MGST1: variants seen among roughly 807,000 people sequenced by gnomAD.
MGST1 encodes glutathione S-transferase 12.
In MGST1, 5 loss-of-function variants were observed where a neutral mutation model predicts 8.9. That is an observed-to-expected ratio of 0.56 (90% CI 0.29 to 1.19). MGST1 has a LOEUF of 1.19. Among genes scored for constraint, MGST1 ranks in the 50% most tolerant of loss-of-function variants. The pLI is 0.08. For missense variants in MGST1, 182 were observed against 187.4 expected (o/e 0.97, Z 0.17); for synonymous variants, 54 against 67.8 (o/e 0.80, Z 1.00).
chr12:16,570,303 T>G (rs1216251177), intron 4 of MGST1, among the ~76,000 whole-genome samples: 1 of 152,172 alleles, frequency 6.6e-6, no homozygotes, highest in Non-Finnish European at 1.5e-5. Context: ...AGACTCATAA[T>G]TACCTTCTTT....
At chr12:16,533,332 A>C (rs1233457168) in intron 4 of MGST1, among the ~76,000 whole-genome samples, 1 of 152,108 alleles carries the variant, frequency 6.6e-6, no homozygotes, top group African/African-American at 2.4e-5. Context: ...GAGGCTGTAC[A>C]CCTTGATTTG....
chr12:16,471,712 C>T (rs966325078), intron 4 of MGST1, among the ~76,000 whole-genome samples: 1 of 152,110 alleles, frequency 6.6e-6, no homozygotes, highest in African/African-American at 2.4e-5. Flanking sequence ...ACTAAATTTA[C>T]TATTGATAGT....
chr12:16,391,071 T>G (rs545802372), intron 1 of MGST1, among the ~76,000 whole-genome samples: 2 of 152,260 alleles, frequency 1.3e-5, no homozygotes, highest in South Asian at 4.2e-4. Flanking sequence ...GATATTGAAC[T>G]TTTTTCATAT....
downstream of MGST1, among the ~76,000 whole-genome samples, chr12:16,366,703 T>C (rs1158408871): frequency 6.6e-6 from 1 of 151,576 alleles, no homozygotes; most frequent in Admixed American, 6.6e-5. The surrounding 1 kb of genome is among the most constrained non-coding windows in gnomAD (Gnocchi z 4.0). Context: ...TTCTAACCAT[T>C]ATGGATGCTT....
chr12:16,391,992 A>G (rs959404586), intron 1 of MGST1, among the ~76,000 whole-genome samples: 3 of 152,226 alleles, frequency 2.0e-5, no homozygotes, highest in African/African-American at 7.2e-5. Context: ...CCCATTTACC[A>G]AATAGGGAGT....
chr12:16,397,750 T>C (rs1308575297), intron 1 of MGST1, among the ~76,000 whole-genome samples: 2 of 150,080 alleles, frequency 1.3e-5, no homozygotes, highest in Non-Finnish European at 3.0e-5. Context: ...GCATTTTCCT[T>C]TACCCTGAAC....
chr12:16,463,078 A>C (rs1941231617), intron 4 of MGST1, among the ~76,000 whole-genome samples: 1 of 152,152 alleles, frequency 6.6e-6, no homozygotes, highest in South Asian at 2.1e-4. Context: ...TTTACTTGTC[A>C]ATCTATTTTT....
At chr12:16,474,636 C>T (rs896282350) in intron 4 of MGST1, among the ~76,000 whole-genome samples, 1 of 152,148 alleles carries the variant, frequency 6.6e-6, no homozygotes, top group Admixed American at 6.5e-5. Context: ...TTTTTGATCC[C>T]CTTTCTCCCT....
chr12:16,398,630 C>T (rs1049858586), intron 1 of MGST1, among the ~76,000 whole-genome samples: 1 of 152,318 alleles, frequency 6.6e-6, no homozygotes, highest in Non-Finnish European at 1.5e-5. Flanking sequence ...GAGAAAATAA[C>T]CGAGCCAGGG....
intron 1 of MGST1, chr12:16,353,391 A>T (rs1565433122): frequency 1.3e-5 from 2 of 152,232 alleles, no homozygotes; most frequent in African/African-American, 2.4e-5. Context: ...CCCTCAAGCA[A>T]GGTTAACAGC....
At chr12:16,414,052 T>C (rs1188659898) in intron 1 of MGST1, among the ~76,000 whole-genome samples, 1 of 142,742 alleles carries the variant, frequency 7.0e-6, no homozygotes, top group South Asian at 2.4e-4. Flanking sequence ...TGGGACCATC[T>C]GGTTTTATAC....
At chr12:16,423,400 C>A (rs866262309) in intron 1 of MGST1, among the ~76,000 whole-genome samples, 9 of 152,112 alleles carry the variant, frequency 5.9e-5, no homozygotes, top group African/African-American at 1.7e-4. Flanking sequence ...AAAAACAATT[C>A]TCTGATATTT....
intron 4 of MGST1, among the ~76,000 whole-genome samples, chr12:16,529,727 T>C (rs1361695714): frequency 2.0e-5 from 3 of 152,226 alleles, no homozygotes; most frequent in Admixed American, 6.5e-5. Flanking sequence ...GCAAAGTGTT[T>C]GGGCTTGTGT....
chr12:16,367,638 GTTTAAA>G (rs1405749122), downstream of MGST1, among the ~76,000 whole-genome samples: 1 of 152,132 alleles, frequency 6.6e-6, no homozygotes, highest in East Asian at 1.9e-4. Context: ...GTGAGTGTGG[GTTTAAA>G]CCAAACAGAG....
intron 4 of MGST1, among the ~76,000 whole-genome samples, chr12:16,450,169 C>A (rs1038340766): frequency 6.6e-6 from 1 of 151,938 alleles, no homozygotes; most frequent in Non-Finnish European, 1.5e-5. Flanking sequence ...TATGACACTT[C>A]TGTTTGCTTT....
At chr12:16,545,785 C>G (rs1941820595) in intron 4 of MGST1, among the ~76,000 whole-genome samples, 1 of 152,036 alleles carries the variant, frequency 6.6e-6, no homozygotes, top group Non-Finnish European at 1.5e-5. Context: ...AAAATATAAT[C>G]ACTCTCATTC....
chr12:16,433,420 C>T (rs553336207), intron 1 of MGST1, among the ~76,000 whole-genome samples: 16 of 152,138 alleles, frequency 1.1e-4, no homozygotes, highest in South Asian at 8.3e-4. Context: ...AGTGTGGTTT[C>T]GGTTCAGAGA....
chr12:16,484,032 A>G (rs1045756871), intron 4 of MGST1, among the ~76,000 whole-genome samples: 1 of 152,254 alleles, frequency 6.6e-6, no homozygotes, highest in Admixed American at 6.5e-5. Flanking sequence ...ATTAGAGACC[A>G]ATAACAGAAA....
downstream of MGST1, among the ~76,000 whole-genome samples, chr12:16,366,625 G>C (rs1940193090): frequency 9.8e-6 from 1 of 102,504 alleles, no homozygotes; most frequent in African/African-American, 3.6e-5. The surrounding 1 kb of genome is among the most constrained non-coding windows in gnomAD (Gnocchi z 4.0). Context: ...GCATATCTGT[G>C]TGTACACACA....
Sources: allele counts gnomAD v4.1 joint callset (sites outside exome capture counted in the v4.1 genomes callset), GRCh38; gene constraint gnomAD v4.1.1; non-coding constraint Gnocchi (gnomAD v3.1); transcripts MANE v1.5; gene names NCBI Gene and HGNC (gene_info 2026-07-23, HGNC 2026-07-21).